Variants in MTUS2 observed in about 807,000 individuals in gnomAD.
The protein encoded by MTUS2 is microtubule-associated tumor suppressor candidate 2.
Under a neutral mutation model 114.1 loss-of-function variants are expected in MTUS2, and 40 were observed. The ratio of observed to expected loss-of-function variants is 0.35; its 90% CI spans 0.27 to 0.46. The LOEUF (loss-of-function observed/expected upper bound fraction) is 0.46. Ranked by LOEUF, MTUS2 falls within the 20% of genes least tolerant of loss-of-function variation. MTUS2 has a pLI of 1.00. For missense variants in MTUS2, 1,679 were observed against 1,705.4 expected (o/e 0.98, Z 0.27); for synonymous variants, 688 against 672.0 (o/e 1.02, Z -0.37).
chr13:29,499,622 C>T (rs1015978931), intron 14 of MTUS2, among the ~76,000 whole-genome samples: 2 of 152,254 alleles, frequency 1.3e-5, no homozygotes, highest in Non-Finnish European at 2.9e-5. Context: ...CACACACCCA[C>T]CCACCCACAT....
chr13:29,249,840 G>A (rs751629798), intron 5 of MTUS2, among the ~76,000 whole-genome samples: 5 of 152,098 alleles, frequency 3.3e-5, no homozygotes, highest in Non-Finnish European at 7.4e-5. Flanking sequence ...AACTGAAACT[G>A]GACCCCATCC....
intron 2 of MTUS2, among the ~76,000 whole-genome samples, chr13:28,971,478 TGAA>T (rs1213065167): frequency 1.3e-5 from 2 of 152,110 alleles, no homozygotes; most frequent in African/African-American, 4.8e-5. Context: ...GAAATTGTAA[TGAA>T]GAATTCAAGT....
At chr13:29,241,910 G>T (rs961777713) in intron 5 of MTUS2, among the ~76,000 whole-genome samples, 1 of 152,120 alleles carries the variant, frequency 6.6e-6, no homozygotes, top group Admixed American at 6.5e-5. Flanking sequence ...GTGTGCTGTA[G>T]TTAGGGTTAC....
At chr13:29,350,236 T>C (rs1376105985) in intron 7 of MTUS2, among the ~76,000 whole-genome samples, 1 of 151,940 alleles carries the variant, frequency 6.6e-6, no homozygotes, top group Non-Finnish European at 1.5e-5. Context: ...AAGGCTAATA[T>C]GAAGAAATCA....
chr13:29,326,844 G>C (rs1900538063), intron 7 of MTUS2, among the ~76,000 whole-genome samples: 1 of 152,124 alleles, frequency 6.6e-6, no homozygotes, highest in Non-Finnish European at 1.5e-5. Flanking sequence ...GCCAGGTGTG[G>C]TGGTGCGTGC....
intron 4 of MTUS2, among the ~76,000 whole-genome samples, chr13:29,050,598 C>A (rs536059202): frequency 2.0e-5 from 3 of 152,332 alleles, no homozygotes; most frequent in Admixed American, 2.0e-4. Context: ...ATCTTACCCC[C>A]CTCTTCACAC....
At chr13:29,282,349 T>G (rs902865309) in intron 6 of MTUS2, among the ~76,000 whole-genome samples, 1 of 152,170 alleles carries the variant, frequency 6.6e-6, no homozygotes, top group Non-Finnish European at 1.5e-5. Context: ...CATGGTAGGG[T>G]TGGCTCTAGA....
At chr13:28,831,947 A>G (rs1412197904) in intron 1 of MTUS2, among the ~76,000 whole-genome samples, 1 of 151,006 alleles carries the variant, frequency 6.6e-6, no homozygotes, top group African/African-American at 2.4e-5. Flanking sequence ...TTTTTTTAGT[A>G]GAGACAGGCT....
chr13:29,321,008 G>A (rs1900230636), intron 6 of MTUS2, among the ~76,000 whole-genome samples: 1 of 152,190 alleles, frequency 6.6e-6, no homozygotes, highest in South Asian at 2.1e-4. Flanking sequence ...TTGAGAAGAA[G>A]TTAACCAGCT....
At chr13:29,071,782 C>A (rs1348757832) in intron 4 of MTUS2, among the ~76,000 whole-genome samples, 1 of 151,982 alleles carries the variant, frequency 6.6e-6, no homozygotes, top group African/African-American at 2.4e-5. Flanking sequence ...TTCTCAAATT[C>A]TTTGTGATCT....
intron 2 of MTUS2, among the ~76,000 whole-genome samples, chr13:28,953,121 T>C (rs1157033788): frequency 6.6e-6 from 1 of 152,210 alleles, no homozygotes; most frequent in Non-Finnish European, 1.5e-5. Flanking sequence ...CAGCTTTCTA[T>C]ACACTTGGTC....
intron 1 of MTUS2, among the ~76,000 whole-genome samples, chr13:28,824,752 C>T (rs1874149465): frequency 6.6e-6 from 1 of 151,388 alleles, no homozygotes; most frequent in Non-Finnish European, 1.5e-5. Context: ...AGGTATAGAG[C>T]AGCAAATAAA....
chr13:28,829,429 G>A (rs569731574), intron 1 of MTUS2, among the ~76,000 whole-genome samples: 10 of 152,212 alleles, frequency 6.6e-5, no homozygotes, highest in African/African-American at 2.4e-4. Context: ...CTACTTGGGA[G>A]GCTGAGGCAG....
intron 9 of MTUS2, among the ~76,000 whole-genome samples, chr13:29,462,937 G>A (rs2138800010): frequency 1.3e-5 from 2 of 152,266 alleles, no homozygotes; most frequent in East Asian, 3.9e-4. Context: ...TTAACCTCCT[G>A]TGGTTAATGG....
chr13:29,498,643 A>G (rs1386529293), intron 14 of MTUS2, 106 bp downstream of exon 14: 2 of 1,452,932 alleles, frequency 1.4e-6, no homozygotes, highest in South Asian at 1.3e-5. Context: ...TTACCTGCCC[A>G]TTGCTTACAC....
chr13:28,860,646 T>C (rs974796481), intron 2 of MTUS2, among the ~76,000 whole-genome samples: 2 of 152,224 alleles, frequency 1.3e-5, no homozygotes, highest in Non-Finnish European at 2.9e-5. Flanking sequence ...GGAGTCTGAC[T>C]GACCGCACCC....
chr13:28,952,860 G>T (rs1593328211), intron 2 of MTUS2, among the ~76,000 whole-genome samples: 1 of 151,840 alleles, frequency 6.6e-6, no homozygotes, highest in Admixed American at 6.6e-5. Context: ...TTTCTTTTTT[G>T]CCATTAGGAA....
intron 9 of MTUS2, among the ~76,000 whole-genome samples, chr13:29,445,325 C>T (rs969602378): frequency 3.3e-5 from 5 of 152,092 alleles, no homozygotes; most frequent in Admixed American, 6.6e-5. Flanking sequence ...ACTAAGGACC[C>T]AGTGTTAGTA....
At chr13:29,359,148 T>A in intron 7 of MTUS2, 114 bp from the exon 8 acceptor site, 1 of 992,258 alleles carries the variant, frequency 1.0e-6, no homozygotes, top group Non-Finnish European at 1.5e-6. Flanking sequence ...TGACAAACCG[T>A]GGGCAATTTC....
Sources: allele counts gnomAD v4.1 joint callset (sites outside exome capture counted in the v4.1 genomes callset), GRCh38; gene constraint gnomAD v4.1.1; transcripts MANE v1.5; gene names NCBI Gene and HGNC (gene_info 2026-07-23, HGNC 2026-07-21).